RAPGEF2: variants seen among roughly 807,000 people sequenced by gnomAD.
RAPGEF2 encodes Rap guanine nucleotide exchange factor 2.
In RAPGEF2, 54 loss-of-function variants were observed where a neutral mutation model predicts 186.7. The ratio of observed to expected loss-of-function variants is 0.29; its 90% confidence interval spans 0.23 to 0.36. RAPGEF2 has a LOEUF of 0.36. Among genes scored for constraint, RAPGEF2 ranks in the 10% least tolerant of loss-of-function variants. The pLI, the probability that RAPGEF2 is intolerant of heterozygous loss-of-function variation, is 1.00. For missense variants in RAPGEF2, 1,532 were observed against 2,045.0 expected (o/e 0.75, Z 4.84); for synonymous variants, 712 against 705.9 (o/e 1.01, Z -0.14).
intron 4 of RAPGEF2, among the ~76,000 whole-genome samples, chr4:159,222,336 C>T (rs1323363143): frequency 6.6e-6 from 1 of 152,142 alleles, no homozygotes; most frequent in Non-Finnish European, 1.5e-5. Flanking sequence ...AAGAGAAGGA[C>T]TCATATTTTT....
intron 7 of RAPGEF2, among the ~76,000 whole-genome samples, chr4:159,293,219 G>T (rs557432601): frequency 6.6e-6 from 1 of 152,074 alleles, no homozygotes; most frequent in Non-Finnish European, 1.5e-5. Flanking sequence ...CAATTTTCTC[G>T]TCTTAATATC....
At chr4:159,294,789 C>T (rs1280705586) in intron 7 of RAPGEF2, among the ~76,000 whole-genome samples, 1 of 152,128 alleles carries the variant, frequency 6.6e-6, no homozygotes, top group Non-Finnish European at 1.5e-5. Context: ...ACTCTGCCTC[C>T]CAGGTGCAAG....
intron 9 of RAPGEF2, among the ~76,000 whole-genome samples, chr4:159,318,144 T>TCA (rs1321691107): frequency 2.0e-5 from 3 of 152,158 alleles, no homozygotes; most frequent in Non-Finnish European, 2.9e-5. Flanking sequence ...ATGACAATTA[T>TCA]CATGTTTGCA....
intron 1 of RAPGEF2, among the ~76,000 whole-genome samples, chr4:159,145,956 G>A (rs188287218): frequency 2.6e-4 from 39 of 152,304 alleles, no homozygotes; most frequent in East Asian, 7.7e-4. Context: ...GAAAGGAAGC[G>A]TTGATAGGTA....
At chr4:159,351,852 G>A (rs908521818) in intron 26 of RAPGEF2, among the ~76,000 whole-genome samples, 16 of 152,158 alleles carry the variant, frequency 1.1e-4, no homozygotes, top group Non-Finnish European at 2.2e-4. Flanking sequence ...TCGGGAGGCT[G>A]AGGCAGGAGA....
chr4:159,282,643 A>G, intron 7 of RAPGEF2: 1 of 451,560 alleles, frequency 2.2e-6, no homozygotes. Context: ...ACATCATGGT[A>G]TGTATTCTAT....
intron 9 of RAPGEF2, among the ~76,000 whole-genome samples, chr4:159,321,242 T>C (rs1765198460): frequency 6.6e-6 from 1 of 151,886 alleles, no homozygotes; most frequent in South Asian, 2.1e-4. Context: ...AGTCTCACTC[T>C]TTCACCCATT....
intron 10 of RAPGEF2, 68 bp downstream of exon 10, chr4:159,322,551 A>G: frequency 7.2e-7 from 1 of 1,381,626 alleles, no homozygotes; most frequent in South Asian, 1.3e-5. Context: ...AATTGAACAA[A>G]ACCCCAATTC....
chr4:159,352,510 A>C, intron 26 of RAPGEF2, 175 bp from the exon 27 acceptor site: 1 of 582,000 alleles, frequency 1.7e-6, no homozygotes. Context: ...CTTAAGCTTC[A>C]TTAGAATAAA....
At position 159,323,531 on chromosome 4, in the gene RAPGEF2, T is replaced by C. The variant is rs768970278; in HGVS notation, c.1063T>C (p.Cys355Arg). The C allele has an allele frequency of 2.5e-6, 4 of 1,613,368 alleles. No individual in the cohort carries two copies. The highest frequency in any genetic ancestry group is 1.1e-5 in the South Asian group (1 of 91,034). ...TCCAGATGGAAAAGCAGAAATACTG[T>C]GCATGGGAAATAGTTTTGGTGTCTC... The part of the protein sequence containing the change: ...TYPDGKAEIL[C>R]MGNSFGVSPT... Residue 355 changes from cysteine (C) to arginine (R), a missense_variant, in exon 11 of 30, where the codon TGC becomes CGC. Transcript: ENST00000691494.
In RAPGEF2 at chr4:159,247,382, T is replaced by A. The variant is rs1754764649; in HGVS notation, c.543+3591T>A. The stretch of plus-strand genomic sequence containing the variant: ...GCCCCTACAGGAGTCGGGGATGGTT[T>A]CATGAACCACCTGAATATCTTGGCT... On this transcript the variant is annotated intron_variant, in intron 7 of 29. Transcript: ENST00000691494. Among the ~76,000 whole-genome samples, 3 of 152,198 alleles carry A rather than the reference T, an allele frequency of 2.0e-5. No homozygotes were observed. The South Asian group carries it at 6.2e-4, about 32-fold the overall frequency.
intron 7 of RAPGEF2, among the ~76,000 whole-genome samples, chr4:159,302,179 T>C (rs1762749750): frequency 6.6e-6 from 1 of 152,212 alleles, no homozygotes; most frequent in Non-Finnish European, 1.5e-5. Context: ...GAATGTCTCT[T>C]ATGTTAGGCT....
At chr4:159,246,964 TTATG>T (rs1754707893) in intron 7 of RAPGEF2, among the ~76,000 whole-genome samples, 1 of 152,162 alleles carries the variant, frequency 6.6e-6, no homozygotes. Flanking sequence ...AAAAATCTGT[TTATG>T]TATATATATG....
chr4:159,319,060 C>A (rs1351478813), intron 9 of RAPGEF2, among the ~76,000 whole-genome samples: 1 of 152,042 alleles, frequency 6.6e-6, no homozygotes, highest in African/African-American at 2.4e-5. Context: ...GAGGATTTTC[C>A]TAGTATCCAT....
In RAPGEF2 at chr4:159,137,709, CAAAA is replaced by C. The variant is rs35501594; in HGVS notation, c.69+33492_69+33495del. ...AGAATGAGTTTGTGAAAAATAAATG[CAAAA>C]AAAAAAAAAAAAACCTGCAAAGATT... On this transcript the variant is annotated intron_variant, in intron 1 of 29. Coordinates refer to ENST00000691494, the MANE Select transcript of RAPGEF2 (RefSeq NM_001394067.2). Among the ~76,000 whole-genome samples the C allele has an allele frequency of 3.2e-3, 394 of 122,222 alleles. 4 individuals carry two copies. Among genetic ancestry groups the C allele is most frequent in the African/African-American group, 0.011 (371 of 32,530 alleles). 80.2% of individuals were successfully genotyped at this position (122,222 alleles called of 152,430 possible). A position where few individuals can be genotyped will look rare whatever the true frequency, so the allele number is the denominator to read the frequency against.
intron 1 of RAPGEF2, among the ~76,000 whole-genome samples, chr4:159,171,478 T>C (rs1407311485): frequency 6.6e-6 from 1 of 152,098 alleles, no homozygotes; most frequent in Non-Finnish European, 1.5e-5. Context: ...CTGAACTCAG[T>C]CAGTGTTGCT....
chr4:159,311,103 A>G (rs1443888757), intron 8 of RAPGEF2, among the ~76,000 whole-genome samples: 2 of 152,140 alleles, frequency 1.3e-5, no homozygotes, highest in Non-Finnish European at 2.9e-5. Context: ...TGTTTTGCTT[A>G]CATTGAACAA....
intron 18 of RAPGEF2, 65 bp downstream of exon 18, chr4:159,338,533 A>G (rs1210032277): frequency 1.4e-6 from 2 of 1,417,316 alleles, no homozygotes; most frequent in African/African-American, 2.8e-5. Context: ...CATAATGGTC[A>G]TATTATATGT....
intron 8 of RAPGEF2, among the ~76,000 whole-genome samples, chr4:159,310,111 A>C (rs1289774735): frequency 6.6e-6 from 1 of 151,742 alleles, no homozygotes; most frequent in African/African-American, 2.4e-5. Flanking sequence ...TGTTCAAAGG[A>C]CAGTAGTTGG....
Sources: gnomAD v4.1 joint callset for allele counts (sites outside exome capture counted in the v4.1 genomes callset) on GRCh38, gnomAD v4.1.1 for gene constraint, MANE v1.5 for transcripts, NCBI Gene and HGNC (gene_info 2026-07-23, HGNC 2026-07-21) for gene names.